The following PEAK1 variants were observed in gnomAD, a reference collection of about 807,000 sequenced individuals.
PEAK1 encodes the protein inactive tyrosine-protein kinase PEAK1.
A neutral mutation model predicts 124.7 loss-of-function variants in PEAK1; 54 were observed. The observed-to-expected ratio is 0.43, with a 90% CI of 0.35 to 0.54. The LOEUF is 0.54. Ranked by LOEUF, PEAK1 falls within the 20% of genes least tolerant of loss-of-function variation. The pLI is 0.01. For synonymous variants in PEAK1, 719 were observed against 760.0 expected (o/e 0.95, Z 0.89); for missense variants, 2,046 against 2,134.5 (o/e 0.96, Z 0.82).
intron 2 of PEAK1, among the ~76,000 whole-genome samples, chr15:77,356,860 C>T (rs1372537905): frequency 6.6e-6 from 1 of 152,148 alleles, no homozygotes; most frequent in Non-Finnish European, 1.5e-5. Flanking sequence ...CATCTAAATG[C>T]TGGTTACATA....
intron 7 of PEAK1, among the ~76,000 whole-genome samples, chr15:77,170,715 G>A (rs1225372888): frequency 2.6e-5 from 4 of 152,098 alleles, no homozygotes; most frequent in East Asian, 3.8e-4. Flanking sequence ...AAATATGTCC[G>A]TAAGGTAGGT....
At chr15:77,407,810 T>C (rs1204528905) in intron 1 of PEAK1, among the ~76,000 whole-genome samples, 2 of 152,028 alleles carry the variant, frequency 1.3e-5, no homozygotes, top group Non-Finnish European at 2.9e-5. Context: ...TGCACAGGCA[T>C]GTTTATAGCA....
chr15:77,135,684 T>C (rs1254257931), intron 8 of PEAK1, among the ~76,000 whole-genome samples: 2 of 152,196 alleles, frequency 1.3e-5, no homozygotes, highest in Non-Finnish European at 2.9e-5. Context: ...GTTCTCATGA[T>C]AGAGAATAAG....
In PEAK1 at chr15:77,182,049, G is replaced by C. The variant is rs543784484; in HGVS notation, c.-114-9C>G. 585 of 1,390,208 alleles carry C rather than the reference G, an allele frequency of 4.2e-4. 2 individuals are homozygous for C. In the African/African-American group the frequency reaches 7.8e-3, roughly 19 times the overall value. The allele number at this position is 1,390,208 out of a possible 1,614,324, so 86.1% of individuals were successfully genotyped here. A position where few individuals can be genotyped will look rare whatever the true frequency, so the allele number is the denominator to read the frequency against. ...TTCTAAGAATGATCAATCTGTGGAG[G>C]GGAAAAGAAGACAAAAAATCTGAAT... is the stretch of plus-strand genomic sequence containing the variant. On this transcript the variant is annotated splice_polypyrimidine_tract_variant and intron_variant, in intron 6 of 9. Coordinates refer to ENST00000682557, the MANE Select transcript of PEAK1 (RefSeq NM_001385026.1).
At chr15:77,325,621 C>T (rs1323720705) in intron 2 of PEAK1, among the ~76,000 whole-genome samples, 3 of 151,888 alleles carry the variant, frequency 2.0e-5, no homozygotes, top group Admixed American at 2.0e-4. Context: ...AATGAAAGTT[C>T]CCAAGAGTAA....
At chr15:77,132,556 G>A (rs1425143320) in intron 9 of PEAK1, among the ~76,000 whole-genome samples, 4 of 152,158 alleles carry the variant, frequency 2.6e-5, no homozygotes, top group Admixed American at 6.5e-5. Flanking sequence ...TTAGCGGGGC[G>A]TGGTGGCAGG....
intron 8 of PEAK1, among the ~76,000 whole-genome samples, chr15:77,139,586 T>G (rs1348707117): frequency 1.3e-5 from 2 of 152,190 alleles, no homozygotes; most frequent in Non-Finnish European, 2.9e-5. Context: ...ACCAGTGTTG[T>G]TTGTGCAGTC....
intron 9 of PEAK1, among the ~76,000 whole-genome samples, chr15:77,130,568 T>C (rs1047617843): frequency 3.3e-5 from 5 of 152,214 alleles, no homozygotes; most frequent in Admixed American, 6.5e-5. Context: ...AGGCCAATCG[T>C]TACCTTATCC....
At chr15:77,123,415 G>A (rs1047553069) in intron 9 of PEAK1, among the ~76,000 whole-genome samples, 6 of 152,110 alleles carry the variant, frequency 3.9e-5, no homozygotes, top group Non-Finnish European at 7.4e-5. Context: ...TTTCCATCAA[G>A]AAACAACACT....
intron 6 of PEAK1, among the ~76,000 whole-genome samples, chr15:77,225,666 T>TATATATATATATATATATATA (rs1555448933): frequency 1.1e-5 from 1 of 87,994 alleles, no homozygotes; most frequent in Non-Finnish European, 2.3e-5. Context: ...TGTGTATAAT[T>TATATATATATATATATATATA]TATATATATA....
chr15:77,365,633 G>A (rs969391289), intron 1 of PEAK1, among the ~76,000 whole-genome samples: 4 of 151,508 alleles, frequency 2.6e-5, no homozygotes, highest in African/African-American at 9.7e-5. Context: ...CCACCTACTC[G>A]GGAGGCTGAG....
At chr15:77,351,233 A>G (rs1454973473) in intron 2 of PEAK1, among the ~76,000 whole-genome samples, 1 of 152,234 alleles carries the variant, frequency 6.6e-6, no homozygotes, top group Non-Finnish European at 1.5e-5. Flanking sequence ...AAGGGTCAGT[A>G]TAAGTTTGTT....
chr15:77,338,640 A>AT (rs1285824274), intron 2 of PEAK1, among the ~76,000 whole-genome samples: 28 of 142,544 alleles, frequency 2.0e-4, no homozygotes, highest in South Asian at 6.4e-4. Flanking sequence ...TCTTTAAAAA[A>AT]AAAAATATAT....
chr15:77,316,104 G>A (rs1220307190), intron 2 of PEAK1, among the ~76,000 whole-genome samples: 1 of 152,088 alleles, frequency 6.6e-6, no homozygotes, highest in East Asian at 1.9e-4. Flanking sequence ...TAAAAAGCCT[G>A]TTTAAAAATT....
chr15:77,195,008 A>C (rs2058034100), intron 6 of PEAK1, among the ~76,000 whole-genome samples: 1 of 152,228 alleles, frequency 6.6e-6, no homozygotes, highest in South Asian at 2.1e-4. Context: ...GGAAGCAAAC[A>C]ACTAAAATGT....
intron 5 of PEAK1, among the ~76,000 whole-genome samples, chr15:77,272,940 G>A (rs952538445): frequency 3.9e-5 from 6 of 152,108 alleles, no homozygotes; most frequent in African/African-American, 1.4e-4. Flanking sequence ...TAACAGGGAT[G>A]CAGGGATGGT....
At chr15:77,262,961 A>G (rs11072648) in intron 5 of PEAK1, among the ~76,000 whole-genome samples, 150,378 of 151,980 alleles carry the variant, frequency 0.99, 74,414 homozygotes, top group East Asian at 1. Flanking sequence ...ACTCAAAACC[A>G]CTCAGCTACA....
intron 2 of PEAK1, among the ~76,000 whole-genome samples, chr15:77,287,824 C>A (rs2063006383): frequency 6.6e-6 from 1 of 152,226 alleles, no homozygotes; most frequent in African/African-American, 2.4e-5. Flanking sequence ...GTCCCTGTCA[C>A]AGCAGAACAA....
At chr15:77,229,626 TTAGC>T (rs1387695844) in intron 6 of PEAK1, among the ~76,000 whole-genome samples, 1 of 151,978 alleles carries the variant, frequency 6.6e-6, no homozygotes, top group East Asian at 1.9e-4. Context: ...TTCCTCTTCT[TTAGC>T]TGTTTCTTTC....
Sources: allele counts gnomAD v4.1 joint callset (sites outside exome capture counted in the v4.1 genomes callset), GRCh38; gene constraint gnomAD v4.1.1; transcripts MANE v1.5; gene names NCBI Gene and HGNC (gene_info 2026-07-23, HGNC 2026-07-21).